Variants in CDHR2 observed in about 807,000 individuals in gnomAD.
The protein encoded by CDHR2 is cadherin related family member 2.
A neutral mutation model predicts 138.6 loss-of-function variants in CDHR2; 104 were observed. That is an observed-to-expected ratio of 0.75 (90% CI 0.64 to 0.88). The LOEUF (loss-of-function observed/expected upper bound fraction) is 0.88, where lower values mean the gene tolerates loss of function less well. CDHR2 is among the 40% of genes least tolerant of loss of function. The probability of loss-of-function intolerance (pLI) is 0.00; values close to 1 mark genes in which losing one functional copy is unlikely to be tolerated. For missense variants in CDHR2, 1,624 were observed against 1,727.6 expected (o/e 0.94, Z 1.06); for synonymous variants, 755 against 742.8 (o/e 1.02, Z -0.27).
intron 1 of CDHR2, among the ~76,000 whole-genome samples, chr5:176,556,459 G>A (rs1409314184): frequency 6.6e-6 from 1 of 152,210 alleles, no homozygotes; most frequent in Non-Finnish European, 1.5e-5. Context: ...AAGGTCAGGA[G>A]ATCGAGACCA....
chr5:176,592,080 C>T (rs111066784), intron 30 of CDHR2, among the ~76,000 whole-genome samples: 45,998 of 114,716 alleles, frequency 0.4, 9,506 homozygotes, highest in Admixed American at 0.49. Context: ...TGGCAGTTAT[C>T]GTGGTGGTGG....
In CDHR2 at chr5:176,553,296, C is replaced by T. The variant is rs1056018846; in HGVS notation, c.-16+3882C>T. On this transcript the variant is annotated intron_variant, in intron 1 of 31. Transcript: ENST00000261944. This position sits in a 1 kb window ranked among gnomAD's most constrained non-coding sequence, Gnocchi z 4.3. ...GGGTTCTGCCCATTACTGGCTGGGC[C>T]GCGCCCTTTCCCCTCTTGGACGTCA... 2.0e-5 allele frequency among the ~76,000 whole-genome samples: 3 copies of T among 152,196 alleles called. No individual in the cohort carries two copies. Among genetic ancestry groups the T allele is most frequent in the Non-Finnish European group, 4.4e-5 (3 of 68,036 alleles).
rs1174616422 is a variant in CDHR2 at position 176,583,980 on chromosome 5, AG to A, written c.2059-208del. Among the ~76,000 whole-genome samples the A allele has an allele frequency of 2.6e-4, 40 of 152,286 alleles. No individual in the cohort carries two copies. In the East Asian group the frequency reaches 7.3e-3, roughly 28 times the overall value. ...TCCTGAGGATGGATGTGTAAGGCCA[AG>A]GTCCCACTGTAGGTCCCTGAACCCC... is the stretch of plus-strand genomic sequence containing the variant. On this transcript the variant is annotated intron_variant, in intron 17 of 31. Transcript: ENST00000261944.
At chr5:176,544,440 T>TTTCC, upstream of CDHR2, among the ~76,000 whole-genome samples, 1 of 12,806 alleles carries the variant, frequency 7.8e-5, no homozygotes, top group African/African-American at 8.4e-5. Flanking sequence ...TCTTTCTTTC[T>TTTCC]TTCTCTCTTT....
chr5:176,589,103 G>A lies in CDHR2; in HGVS notation c.2929G>A (p.Asp977Asn). 1 of 1,614,154 alleles carries A rather than the reference G, an allele frequency of 6.2e-7. No homozygotes were observed. The highest frequency in any genetic ancestry group is 1.1e-5 in the South Asian group (1 of 91,090). Reference protein sequence around the residue: ...SILRVDFISKDGATIPFQGVF... With the variant: ...SILRVDFISKNGATIPFQGVF... ...CCTCCGAGTAGACTTCATCTCTAAG[G>A]ACGGGGCCACCATCCCTTTCCAGGG... The change falls in exon 22 of 32, where the codon GAC (aspartate) becomes AAC (asparagine). Residue 977 changes from aspartate (D) to asparagine (N), a missense_variant. Physicochemically the swap from Asp to Asn is conservative, Grantham distance 23. This residue lies in a region of CDHR2 where 556 missense variants were observed against 565.7 expected (regional missense o/e 0.98). Coordinates refer to ENST00000261944, the MANE Select transcript of CDHR2 (RefSeq NM_017675.6).
Position 176,552,442 on chromosome 5 carries a change from C to T in CDHR2, c.-16+3028C>T, listed in dbSNP as rs146116612. ...GGACCTCAGGAGTGGGAGAGAGCAGCTCGTGTGGAAAAAGCAAGACCCAGG... is the reference window on the plus strand; with the variant it reads ...GGACCTCAGGAGTGGGAGAGAGCAGTTCGTGTGGAAAAAGCAAGACCCAGG... On this transcript the variant is annotated intron_variant, in intron 1 of 31. Coordinates refer to ENST00000261944, the MANE Select transcript of CDHR2 (RefSeq NM_017675.6). 1.7e-3 allele frequency among the ~76,000 whole-genome samples: 262 copies of T among 152,322 alleles called. 2 individuals carry two copies. Among genetic ancestry groups the T allele is most frequent in the African/African-American group, 6.2e-3 (257 of 41,568 alleles).
At position 176,571,291 on chromosome 5, in the gene CDHR2, A is replaced by G. The variant is rs1036107026; in HGVS notation, c.394A>G (p.Ser132Gly). The G allele has an allele frequency of 6.2e-6, 10 of 1,606,844 alleles. No homozygotes were observed. The highest frequency in any genetic ancestry group is 8.5e-6 in the Non-Finnish European group (10 of 1,176,786). ...TTTCCAGAACACCGCTTTCTCCACC[A>G]GCATCAACGAGGTGACACCTGCCTT... ...PVFQNTAFST[S>G]INETLPVGSV... The change falls in exon 6 of 32, where the codon AGC (serine) becomes GGC (glycine). Residue 132 changes from serine (S) to glycine (G), a missense_variant. Physicochemically the swap from Ser to Gly is moderately conservative, Grantham distance 56. This residue lies in a region of CDHR2 where 1,061 missense variants were observed against 1,136.6 expected (regional missense o/e 0.93). Coordinates refer to ENST00000261944, the MANE Select transcript of CDHR2 (RefSeq NM_017675.6).
Position 176,595,576 on chromosome 5 carries a change from C to T in CDHR2, c.3837C>T (p.Pro1279=). 1 of 1,612,670 alleles carries T rather than the reference C, an allele frequency of 6.2e-7. No individual in the cohort carries two copies. Among genetic ancestry groups the T allele is most frequent in the Non-Finnish European group, 8.5e-7 (1 of 1,179,202 alleles). ...CACCACCAGAGCCAGATCCAGAGCC[C>T]CTGAGCGTGGTCCTGTTAGGACGGC... ...PHTPPEPDPE[P]LSVVLLGRQA... The change falls in exon 32 of 32, where the codon CCC becomes CCT. Residue 1279 remains proline (P), a synonymous_variant. Coordinates refer to ENST00000261944, the MANE Select transcript of CDHR2 (RefSeq NM_017675.6).
chr5:176,559,563 CCT>C (rs1405894208), intron 1 of CDHR2, among the ~76,000 whole-genome samples: 3 of 151,162 alleles, frequency 2.0e-5, no homozygotes, highest in Non-Finnish European at 4.4e-5. Context: ...GTTTCCTTTC[CCT>C]GTTTTCCTTC....
At chr5:176,568,391 G>T (rs11739773) in intron 3 of CDHR2, among the ~76,000 whole-genome samples, 92,496 of 152,168 alleles carry the variant, frequency 0.61, 30,062 homozygotes, top group Non-Finnish European at 0.74. Context: ...TTGTGTCACG[G>T]AAACTCGGTA....
chr5:176,559,909 G>C (rs924403826), intron 1 of CDHR2, among the ~76,000 whole-genome samples: 4 of 152,168 alleles, frequency 2.6e-5, no homozygotes, highest in Admixed American at 2.0e-4. Flanking sequence ...TAACAGCGAG[G>C]AAATATCGGC....
chr5:176,547,968 A>G (rs1292106748), upstream of CDHR2, among the ~76,000 whole-genome samples: 1 of 152,164 alleles, frequency 6.6e-6, no homozygotes, highest in African/African-American at 2.4e-5. Flanking sequence ...TCATCAGGCA[A>G]TTTCGTCATT....
chr5:176,558,907 A>G (rs1581132221), intron 1 of CDHR2, among the ~76,000 whole-genome samples: 1 of 152,314 alleles, frequency 6.6e-6, no homozygotes, highest in Non-Finnish European at 1.5e-5. Context: ...CTATAGGATA[A>G]GAGTTTGGAT....
At chr5:176,570,378 T>C (rs576620042) in intron 5 of CDHR2, among the ~76,000 whole-genome samples, 1 of 152,334 alleles carries the variant, frequency 6.6e-6, no homozygotes, top group Non-Finnish European at 1.5e-5. Context: ...GTTAGGATCT[T>C]ACTCTTGCCC....
Position 176,578,477 on chromosome 5 carries a change from G to A in CDHR2, c.1687G>A (p.Gly563Ser). 2 of 1,613,942 alleles carry A rather than the reference G, an allele frequency of 1.2e-6. No homozygotes were observed. Among genetic ancestry groups the A allele is most frequent in the Non-Finnish European group, 1.7e-6 (2 of 1,179,870 alleles). ...CTACCTGACGCTGCAGGCCACAGACGGCGGGAACCTGTCCTCCTCCACCAC... is the reference window on the plus strand; with the variant it reads ...CTACCTGACGCTGCAGGCCACAGACAGCGGGAACCTGTCCTCCTCCACCAC... ...VYYLTLQATD[G>S]GNLSSSTTLQ... The change falls in exon 16 of 32, where the codon GGC (glycine) becomes AGC (serine). Residue 563 changes from glycine (G) to serine (S), a missense_variant. Transcript: ENST00000261944.
At chr5:176,568,187 A>G (rs1758127269) in intron 3 of CDHR2, among the ~76,000 whole-genome samples, 1 of 152,218 alleles carries the variant, frequency 6.6e-6, no homozygotes. Context: ...CTTTCAGGCT[A>G]GGGAGTGGGC....
chr5:176,584,356 A>G, intron 18 of CDHR2, 54 bp from the exon 19 acceptor site: 1 of 1,611,262 alleles, frequency 6.2e-7, no homozygotes, highest in Non-Finnish European at 8.5e-7. Context: ...AGGGCAGAGG[A>G]GGCTTCCGAT....
At chr5:176,568,879 G>A in intron 4 of CDHR2, 62 bp downstream of exon 4, 5 of 1,611,246 alleles carry the variant, frequency 3.1e-6, no homozygotes, top group Non-Finnish European at 4.2e-6. Flanking sequence ...GGCCCTGGGA[G>A]CCCGCGTCCT....
intron 6 of CDHR2, among the ~76,000 whole-genome samples, chr5:176,572,245 G>A (rs892505846): frequency 6.6e-6 from 1 of 151,176 alleles, no homozygotes; most frequent in African/African-American, 2.4e-5. Flanking sequence ...AAAATTAGCC[G>A]AGTGTGGTGG....
Sources: allele counts gnomAD v4.1 joint callset (sites outside exome capture counted in the v4.1 genomes callset), GRCh38; gene constraint gnomAD v4.1.1; regional missense constraint gnomAD v4.1.1; non-coding constraint Gnocchi (gnomAD v3.1); transcripts MANE v1.5; gene names NCBI Gene and HGNC (gene_info 2026-07-23, HGNC 2026-07-21).